Variants in TENM3 observed in about 807,000 individuals in gnomAD.
TENM3 encodes the protein teneurin-3.
A neutral mutation model predicts 255.1 loss-of-function variants in TENM3; 63 were observed. That is an observed-to-expected ratio of 0.25 (90% CI 0.20 to 0.30). The LOEUF (loss-of-function observed/expected upper bound fraction) is 0.30, where lower values mean the gene tolerates loss of function less well. TENM3 is among the 10% of genes least tolerant of loss of function. The pLI, the probability that TENM3 is intolerant of heterozygous loss-of-function variation, is 1.00. For missense variants in TENM3, 2,929 were observed against 3,461.1 expected (o/e 0.85, Z 3.86); for synonymous variants, 1,306 against 1,322.3 (o/e 0.99, Z 0.27).
At chr4:181,553,621 T>C in the TENM3 span, among the ~76,000 whole-genome samples, 1 of 151,964 alleles carries the variant, frequency 6.6e-6, no homozygotes, top group African/African-American at 2.4e-5. Context: ...TTTTGTATTT[T>C]TAGTAGAGAC....
intron 19 of TENM3, among the ~76,000 whole-genome samples, chr4:182,747,039 G>A (rs1386524284): frequency 6.6e-6 from 1 of 151,984 alleles, no homozygotes; most frequent in Non-Finnish European, 1.5e-5. Flanking sequence ...CCCTTTCCTG[G>A]TTAATAAGAT....
At chr4:181,758,473 C>T in the TENM3 span, among the ~76,000 whole-genome samples, 1 of 152,142 alleles carries the variant, frequency 6.6e-6, no homozygotes, top group Non-Finnish European at 1.5e-5. Context: ...ATTTCCTCAG[C>T]CTGGGAACTT....
the TENM3 span, among the ~76,000 whole-genome samples, chr4:181,900,054 T>C: frequency 6.6e-6 from 1 of 152,172 alleles, no homozygotes; most frequent in Non-Finnish European, 1.5e-5. Context: ...ACTCATAAAT[T>C]CATGAAAATA....
chr4:182,297,687 C>G (rs4862037), intron 1 of TENM3, among the ~76,000 whole-genome samples: 39,755 of 152,102 alleles, frequency 0.26, 6,482 homozygotes, highest in African/African-American at 0.45. Context: ...GTGTTTTTCA[C>G]GGTCTTTTAG....
intron 6 of TENM3, among the ~76,000 whole-genome samples, chr4:182,671,386 C>T (rs779674157): frequency 2.6e-5 from 4 of 152,144 alleles, no homozygotes; most frequent in African/African-American, 4.8e-5. Flanking sequence ...TCAAGTTCCA[C>T]GGCCATGCTT....
the TENM3 span, among the ~76,000 whole-genome samples, chr4:181,501,153 C>T: frequency 6.6e-6 from 1 of 152,236 alleles, no homozygotes; most frequent in Non-Finnish European, 1.5e-5. Flanking sequence ...AAAGTGGCAA[C>T]TTAAGGAGTT....
At chr4:182,129,052 G>A in the TENM3 span, among the ~76,000 whole-genome samples, 1 of 152,276 alleles carries the variant, frequency 6.6e-6, no homozygotes, top group East Asian at 1.9e-4. Flanking sequence ...AAAGATCTGT[G>A]GCAACAAAGC....
chr4:181,562,919 C>T, the TENM3 span, among the ~76,000 whole-genome samples: 1 of 152,174 alleles, frequency 6.6e-6, no homozygotes, highest in African/African-American at 2.4e-5. Context: ...AGGTGATTAG[C>T]CCGCCTGGGC....
the TENM3 span, among the ~76,000 whole-genome samples, chr4:182,070,345 G>A: frequency 6.6e-6 from 1 of 152,226 alleles, no homozygotes; most frequent in Admixed American, 6.5e-5. Context: ...TAGGCTGGGT[G>A]CAGTGGCTCA....
chr4:181,449,151 T>G, the TENM3 span, among the ~76,000 whole-genome samples: 1 of 152,238 alleles, frequency 6.6e-6, no homozygotes, highest in African/African-American at 2.4e-5. Context: ...TTTTTGACTT[T>G]GTCACCTATC....
chr4:182,430,849 T>C (rs1432390953), intron 3 of TENM3, among the ~76,000 whole-genome samples: 18 of 151,100 alleles, frequency 1.2e-4, no homozygotes, highest in Non-Finnish European at 7.4e-5. Flanking sequence ...CTGTCTCTAC[T>C]AAAAATACAA....
chr4:181,573,501 T>C, the TENM3 span, among the ~76,000 whole-genome samples: 535 of 152,274 alleles, frequency 3.5e-3, 7 homozygotes, highest in African/African-American at 0.012. Flanking sequence ...AAGAAGAGGA[T>C]AATTATGTGG....
the TENM3 span, among the ~76,000 whole-genome samples, chr4:181,799,535 C>A: frequency 6.6e-6 from 1 of 152,200 alleles, no homozygotes; most frequent in Non-Finnish European, 1.5e-5. Context: ...AAAGCATGAT[C>A]ATTTCTTACA....
chr4:182,071,515 G>C, the TENM3 span, among the ~76,000 whole-genome samples: 5 of 146,808 alleles, frequency 3.4e-5, no homozygotes, highest in East Asian at 1.0e-3. Flanking sequence ...GCGCGATCTC[G>C]GCTCGCTGCA....
At chr4:181,483,604 T>A in the TENM3 span, among the ~76,000 whole-genome samples, 1 of 152,202 alleles carries the variant, frequency 6.6e-6, no homozygotes, top group Non-Finnish European at 1.5e-5. Flanking sequence ...TAATTATAGA[T>A]CGTATTTCCT....
At chr4:182,536,279 T>C (rs1740305178) in intron 3 of TENM3, among the ~76,000 whole-genome samples, 1 of 152,238 alleles carries the variant, frequency 6.6e-6, no homozygotes, top group Non-Finnish European at 1.5e-5. Context: ...TTGTAAGCCA[T>C]TCTTATAAAA....
At chr4:182,260,736 A>G (rs1232207029) in intron 1 of TENM3, among the ~76,000 whole-genome samples, 1 of 152,238 alleles carries the variant, frequency 6.6e-6, no homozygotes, top group African/African-American at 2.4e-5. Flanking sequence ...CATGTTATCT[A>G]CAATGTAGAA....
chr4:182,139,734 A>G (rs750280101), upstream of TENM3, among the ~76,000 whole-genome samples: 3 of 152,146 alleles, frequency 2.0e-5, no homozygotes, highest in Non-Finnish European at 4.4e-5. Context: ...CCTTCGCAAA[A>G]CCTGGGGTCT....
chr4:182,246,431 A>G (rs1200225969), intron 1 of TENM3, among the ~76,000 whole-genome samples: 1 of 150,170 alleles, frequency 6.7e-6, no homozygotes, highest in African/African-American at 2.5e-5. Flanking sequence ...CAGGAGGTAG[A>G]AATGTCTTCC....
Sources: allele counts gnomAD v4.1 joint callset (sites outside exome capture counted in the v4.1 genomes callset), GRCh38; gene constraint gnomAD v4.1.1; transcripts MANE v1.5; gene names NCBI Gene and HGNC (gene_info 2026-07-23, HGNC 2026-07-21).